ZNF445: variants seen among roughly 807,000 people sequenced by gnomAD.
The protein encoded by ZNF445 is zinc finger protein 445.
Under a neutral mutation model 93.9 loss-of-function variants are expected in ZNF445, and 19 were observed. The ratio of observed to expected loss-of-function variants is 0.20; its 90% CI spans 0.14 to 0.30. ZNF445 has a LOEUF of 0.30. ZNF445 is among the 10% of genes least tolerant of loss of function. The pLI is 1.00. For synonymous variants in ZNF445, 449 were observed against 446.3 expected (o/e 1.01, Z -0.08); for missense variants, 1,058 against 1,259.4 (o/e 0.84, Z 2.42).
intron 1 of ZNF445, among the ~76,000 whole-genome samples, chr3:44,472,350 C>G (rs1698280953): frequency 1.3e-5 from 2 of 151,952 alleles, no homozygotes. Flanking sequence ...ACTTTTTTTT[C>G]CCCCCTACAA....
At chr3:44,468,725 G>A (rs1698226909) in intron 1 of ZNF445, among the ~76,000 whole-genome samples, 1 of 134,910 alleles carries the variant, frequency 7.4e-6, no homozygotes, top group Non-Finnish European at 1.5e-5. Context: ...GCTGTGACTC[G>A]CTATGATTTC....
At chr3:44,450,380 C>T in intron 6 of ZNF445, 67 bp downstream of exon 6, 1 of 1,605,464 alleles carries the variant, frequency 6.2e-7, no homozygotes, top group African/African-American at 1.3e-5. Context: ...CCTTTCTATG[C>T]AGCACAGAAC....
intron 1 of ZNF445, among the ~76,000 whole-genome samples, chr3:44,467,001 T>A (rs1162859031): frequency 6.6e-6 from 1 of 152,230 alleles, no homozygotes; most frequent in Non-Finnish European, 1.5e-5. Flanking sequence ...CTTGCTTTGG[T>A]CCTTTTCAAA....
intron 6 of ZNF445, 73 bp downstream of exon 6, chr3:44,450,374 T>C (rs2125679273): frequency 1.9e-6 from 3 of 1,602,062 alleles, no homozygotes; most frequent in East Asian, 4.5e-5. Context: ...CAGGTACCTT[T>C]CTATGCAGCA....
At chr3:44,449,692 G>A in intron 6 of ZNF445, 69 bp from the exon 7 acceptor site, 1 of 1,322,660 alleles carries the variant, frequency 7.6e-7, no homozygotes, top group South Asian at 1.2e-5. Flanking sequence ...AGGACCTCTG[G>A]GCCTGAAGTC....
In ZNF445 at chr3:44,450,851, A is replaced by G; in HGVS notation, c.693+17T>C. ...GACGTGGGGACATCAGGAAGGACCA[A>G]ATGTTCTGTGGCTCACCTGGAGCTG... On this transcript the variant is annotated intron_variant, in intron 5 of 7. Coordinates refer to ENST00000396077, the MANE Select transcript of ZNF445 (RefSeq NM_181489.6). 1.9e-6 allele frequency: 3 copies of G among 1,542,982 alleles called. No homozygotes were observed. Among genetic ancestry groups the G allele is most frequent in the Non-Finnish European group, 2.6e-6 (3 of 1,146,518 alleles).
In ZNF445 at chr3:44,435,319, GTGAT is replaced by G. The variant is rs1697654168; in HGVS notation, c.*11252_*11255del. 1 of 152,178 alleles carries G rather than the reference GTGAT, an allele frequency of 6.6e-6. No homozygotes were observed. The highest frequency in any genetic ancestry group is 1.5e-5 in the Non-Finnish European group (1 of 68,034). 9.4% of individuals were successfully genotyped at this position (152,178 alleles called of 1,614,324 possible). A position where few individuals can be genotyped will look rare whatever the true frequency, so the allele number is the denominator to read the frequency against. On this transcript the variant is annotated 3_prime_UTR_variant, in exon 8 of 8. Transcript: ENST00000396077. ...TCTCTTTTGCAAAACCCATGTCACA[GTGAT>G]TGATTTACTGTGTGAGAACAGAACA...
At chr3:44,473,357 G>A (rs1698297848) in intron 1 of ZNF445, among the ~76,000 whole-genome samples, 1 of 151,830 alleles carries the variant, frequency 6.6e-6, no homozygotes, top group Admixed American at 6.6e-5. Context: ...GGGAGGCTGA[G>A]GCAGGAGAAT....
intron 1 of ZNF445, among the ~76,000 whole-genome samples, chr3:44,459,087 T>C (rs1380392472): frequency 6.6e-6 from 1 of 152,162 alleles, no homozygotes; most frequent in Admixed American, 6.5e-5. Flanking sequence ...TGCAGGAAAG[T>C]GAACAAGAAC....
At position 44,445,342 on chromosome 3, in the gene ZNF445, G is replaced by T. The variant is rs1293447230; in HGVS notation, c.*1233C>A. On this transcript the variant is annotated 3_prime_UTR_variant, in exon 8 of 8. Transcript: ENST00000396077. ...CTTTCACCCTTTTACTGAGTCCTTGGATCTGTGGTTAACCCTTATAAAATA... is the reference window on the plus strand; with the variant it reads ...CTTTCACCCTTTTACTGAGTCCTTGTATCTGTGGTTAACCCTTATAAAATA... 6.6e-6 allele frequency: 1 copy of T among 152,194 alleles called. No homozygotes were observed. Among genetic ancestry groups the T allele is most frequent in the Non-Finnish European group, 1.5e-5 (1 of 68,058 alleles). 9.4% of individuals were successfully genotyped at this position (152,194 alleles called of 1,614,324 possible).
chr3:44,440,204 T>C lies in ZNF445; in HGVS notation c.*6371A>G, dbSNP rs1366516959. On this transcript the variant is annotated 3_prime_UTR_variant, in exon 8 of 8. Coordinates refer to ENST00000396077, the MANE Select transcript of ZNF445 (RefSeq NM_181489.6). ...TTGCTAAAATAACTGGTGTGGTTTC[T>C]GGCAACTAAAACCTGGCTGATATAA... 1 of 152,254 alleles carries C rather than the reference T, an allele frequency of 6.6e-6. No individual in the cohort carries two copies. Among genetic ancestry groups the C allele is most frequent in the Non-Finnish European group, 1.5e-5 (1 of 68,044 alleles). 9.4% of individuals were successfully genotyped at this position (152,254 alleles called of 1,614,324 possible). A position where few individuals can be genotyped will look rare whatever the true frequency, so the allele number is the denominator to read the frequency against.
At position 44,446,393 on chromosome 3, in the gene ZNF445, C is replaced by A. The variant is rs145393063; in HGVS notation, c.*182G>T. 10,968 of 813,754 alleles carry A rather than the reference C, an allele frequency of 0.013. 96 individuals are homozygous for A. The highest frequency in any genetic ancestry group is 0.018 in the Non-Finnish European group (9,429 of 532,030). The allele number at this position is 813,754 out of a possible 1,614,324, so 50.4% of individuals were successfully genotyped here. A position where few individuals can be genotyped will look rare whatever the true frequency, so the allele number is the denominator to read the frequency against. On this transcript the variant is annotated 3_prime_UTR_variant, in exon 8 of 8. Transcript: ENST00000396077. This position sits in a 1 kb window ranked among gnomAD's most constrained non-coding sequence, Gnocchi z 4.2. ...AGGACATGGTGCTGCACTTCCCCAG[C>A]GTCACATCCTAGCAGGCAGGCTGGG...
intron 3 of ZNF445, among the ~76,000 whole-genome samples, chr3:44,454,329 C>T (rs1697995330): frequency 6.6e-6 from 1 of 152,006 alleles, no homozygotes; most frequent in South Asian, 2.1e-4. Context: ...AAATGCTGTC[C>T]CAACACCCAC....
chr3:44,454,348 A>G (rs537197145), intron 3 of ZNF445, among the ~76,000 whole-genome samples: 1 of 152,224 alleles, frequency 6.6e-6, no homozygotes, highest in East Asian at 1.9e-4. Context: ...ACCACTTTAC[A>G]GGGCTATGGT....
intron 1 of ZNF445, among the ~76,000 whole-genome samples, chr3:44,463,505 C>G (rs1443334877): frequency 6.6e-6 from 1 of 151,892 alleles, no homozygotes; most frequent in Non-Finnish European, 1.5e-5. Context: ...ACTGATAGAT[C>G]CCTTTCAAAA....
At position 44,432,273 on chromosome 3, in the gene ZNF445, C is replaced by CTGTGTGTGTGTGTGTGTGTGTGTG. The variant is rs781032930; in HGVS notation, c.*14278_*14301dup. 7.1e-6 allele frequency: 1 copy of CTGTGTGTGTGTGTGTGTGTGTGTG among 140,570 alleles called. No individual in the cohort carries two copies. The highest frequency in any genetic ancestry group is 7.1e-5 in the Admixed American group (1 of 14,156). The allele number at this position is 140,570 out of a possible 1,614,324, so 8.7% of individuals were successfully genotyped here. On this transcript the variant is annotated 3_prime_UTR_variant, in exon 8 of 8. Coordinates refer to ENST00000396077, the MANE Select transcript of ZNF445 (RefSeq NM_181489.6). Reference sequence around the variant, plus strand: ...TCTACACTCATTTGTGTGTGTGTGTCTGTGTGTGTGTGTGTGTGTGTGTGT... The same window carrying CTGTGTGTGTGTGTGTGTGTGTGTG: ...TCTACACTCATTTGTGTGTGTGTGTCTGTGTGTGTGTGTGTGTGTGTGTGTGTGTGTGTGTGTGTGTGTGTGTGT...
rs111801003 is a variant in ZNF445, at chr3:44,439,008, T to TAA, written c.*7565_*7566dup. On this transcript the variant is annotated 3_prime_UTR_variant, in exon 8 of 8. Coordinates refer to ENST00000396077, the MANE Select transcript of ZNF445 (RefSeq NM_181489.6). ...ATTGTGCACATGTACCCTAAAAGTA[T>TAA]AAAAAAAAAAAAAACAAGGACTCCA... 22,598 of 143,480 alleles carry TAA rather than the reference T, an allele frequency of 0.16. 1,740 individuals carry two copies. The highest frequency in any genetic ancestry group is 0.19 in the Admixed American group (2,749 of 14,566). The allele number at this position is 143,480 out of a possible 1,614,324, so 8.9% of individuals were successfully genotyped here. A position where few individuals can be genotyped will look rare whatever the true frequency, so the allele number is the denominator to read the frequency against.
At position 44,432,247 on chromosome 3, in the gene ZNF445, A is replaced by G. The variant is rs1697565082; in HGVS notation, c.*14328T>C. 6.6e-6 allele frequency: 1 copy of G among 150,832 alleles called. No homozygotes were observed. The highest frequency in any genetic ancestry group is 6.6e-5 in the Admixed American group (1 of 15,096). The allele number at this position is 150,832 out of a possible 1,614,324, so 9.3% of individuals were successfully genotyped here. A position where few individuals can be genotyped will look rare whatever the true frequency, so the allele number is the denominator to read the frequency against. Reference sequence around the variant, plus strand: ...TCTAAATGAAGTTTTATTGGAACACATCTACACTCATTTGTGTGTGTGTGT... The same window carrying G: ...TCTAAATGAAGTTTTATTGGAACACGTCTACACTCATTTGTGTGTGTGTGT... On this transcript the variant is annotated 3_prime_UTR_variant, in exon 8 of 8. Transcript: ENST00000396077.
chr3:44,448,467 T>C lies in ZNF445; in HGVS notation c.1204A>G (p.Thr402Ala), dbSNP rs777258007. The C allele has an allele frequency of 3.1e-6, 5 of 1,613,774 alleles. No homozygotes were observed. The South Asian group carries it at 5.5e-5, about 18-fold the overall frequency. The change falls in exon 8 of 8, where the codon ACA becomes GCA. Residue 402 changes from threonine (T) to alanine (A), a missense_variant. Thr to Ala is a moderately conservative substitution (Grantham distance 58). Transcript: ENST00000396077. ...TTTCTTCCAGAAACTCTCAAATATG[T>C]AACATGTTTTAAGTCAAGACTATTA... ...GSNSLDLKHV[T>A]YLRVSGRKES...
Sources: gnomAD v4.1 joint callset for allele counts (sites outside exome capture counted in the v4.1 genomes callset) on GRCh38, gnomAD v4.1.1 for gene constraint, Gnocchi (gnomAD v3.1) non-coding constraint, MANE v1.5 for transcripts, NCBI Gene and HGNC (gene_info 2026-07-23, HGNC 2026-07-21) for gene names.